RAD51B: variants seen among roughly 807,000 people sequenced by gnomAD.
The protein encoded by RAD51B is DNA repair protein RAD51 homolog 2.
Under a neutral mutation model 42.2 loss-of-function variants are expected in RAD51B, and 38 were observed. The observed-to-expected ratio is 0.90, with a 90% confidence interval of 0.70 to 1.18. The LOEUF is 1.18. Among genes scored for constraint, RAD51B ranks in the 50% most tolerant of loss-of-function variants. The probability of loss-of-function intolerance (pLI) is 0.00; values close to 1 mark genes in which losing one functional copy is unlikely to be tolerated. For synonymous variants in RAD51B, 154 were observed against 145.2 expected (o/e 1.06, Z -0.43); for missense variants, 373 against 400.7 (o/e 0.93, Z 0.59).
chr14:68,664,571 T>C (rs1223424359), intron 11 of RAD51B, among the ~76,000 whole-genome samples: 2 of 152,210 alleles, frequency 1.3e-5, no homozygotes, highest in African/African-American at 4.8e-5. Context: ...TCTGCCAAGA[T>C]GGAGGAATAC....
At chr14:67,955,298 A>G (rs1189290744) in intron 7 of RAD51B, among the ~76,000 whole-genome samples, 2 of 152,236 alleles carry the variant, frequency 1.3e-5, no homozygotes, top group African/African-American at 2.4e-5. Context: ...ATCCAGAAAT[A>G]TAAATGATGA....
At chr14:67,946,249 G>A (rs2045387045) in intron 7 of RAD51B, among the ~76,000 whole-genome samples, 1 of 152,086 alleles carries the variant, frequency 6.6e-6, no homozygotes, top group Admixed American at 6.6e-5. Context: ...GAAATAGAAA[G>A]TAATAGGAAA....
chr14:67,860,930 A>G (rs1038308663), intron 4 of RAD51B, among the ~76,000 whole-genome samples: 1 of 152,206 alleles, frequency 6.6e-6, no homozygotes, highest in Admixed American at 6.5e-5. Flanking sequence ...ATGTTGGCTC[A>G]TGCCTGTAAT....
chr14:67,956,436 A>G (rs1441700530), intron 7 of RAD51B, among the ~76,000 whole-genome samples: 1 of 152,200 alleles, frequency 6.6e-6, no homozygotes, highest in East Asian at 1.9e-4. Flanking sequence ...GCAGTGAGCC[A>G]GATCATGCCA....
chr14:68,398,752 T>C (rs751373160), intron 8 of RAD51B, among the ~76,000 whole-genome samples: 15 of 152,222 alleles, frequency 9.9e-5, no homozygotes, highest in Non-Finnish European at 1.9e-4. Flanking sequence ...TGATGTCTTC[T>C]GAGATTAAAA....
At chr14:68,496,839 C>T (rs1884560461) in intron 10 of RAD51B, among the ~76,000 whole-genome samples, 1 of 152,362 alleles carries the variant, frequency 6.6e-6, no homozygotes, top group Admixed American at 6.5e-5. Flanking sequence ...GTTCCATCAA[C>T]AGACTACAAC....
intron 7 of RAD51B, among the ~76,000 whole-genome samples, chr14:68,157,033 C>CA (rs1308069588): frequency 1.2e-4 from 18 of 151,924 alleles, no homozygotes; most frequent in Admixed American, 1.2e-3. Context: ...GCTGTCTCTA[C>CA]AAAAAATACA....
At chr14:68,538,964 A>C (rs1043919562) in intron 10 of RAD51B, among the ~76,000 whole-genome samples, 1 of 152,210 alleles carries the variant, frequency 6.6e-6, no homozygotes, top group African/African-American at 2.4e-5. Context: ...TAAAGCCACC[A>C]TGCCATCACA....
At chr14:67,868,957 A>C (rs910597712) in intron 5 of RAD51B, among the ~76,000 whole-genome samples, 1 of 152,224 alleles carries the variant, frequency 6.6e-6, no homozygotes, top group African/African-American at 2.4e-5. Context: ...ATCAAAGACC[A>C]AAAGTAGATA....
intron 10 of RAD51B, among the ~76,000 whole-genome samples, chr14:68,492,721 G>A (rs188195927): frequency 3.3e-5 from 5 of 152,312 alleles, no homozygotes; most frequent in Non-Finnish European, 7.4e-5. Context: ...CCAAATGATA[G>A]GCAGTGTCTG....
chr14:68,181,539 T>A (rs1193178878), intron 7 of RAD51B, among the ~76,000 whole-genome samples: 1 of 152,248 alleles, frequency 6.6e-6, no homozygotes, highest in African/African-American at 2.4e-5. Context: ...TTTGTGGTGT[T>A]AAAGCCGGAC....
At chr14:67,929,927 G>A (rs1030750722) in intron 7 of RAD51B, among the ~76,000 whole-genome samples, 2 of 151,948 alleles carry the variant, frequency 1.3e-5, no homozygotes, top group Non-Finnish European at 2.9e-5. Context: ...TGGGATTACA[G>A]GCAGGAGCCA....
At chr14:68,680,029 T>G (rs1479047201) in intron 11 of RAD51B, among the ~76,000 whole-genome samples, 1 of 152,222 alleles carries the variant, frequency 6.6e-6, no homozygotes, top group Non-Finnish European at 1.5e-5. Context: ...TGGTTTTTTT[T>G]CCATATGAGC....
At chr14:67,869,327 AG>A (rs2042439452) in intron 5 of RAD51B, among the ~76,000 whole-genome samples, 1 of 152,260 alleles carries the variant, frequency 6.6e-6, no homozygotes, top group African/African-American at 2.4e-5. Context: ...ACTGGAAGAA[AG>A]GGTATCAGCG....
At chr14:68,650,651 C>T in intron 10 of RAD51B, 2 of 613,270 alleles carry the variant, frequency 3.3e-6, no homozygotes, top group Non-Finnish European at 5.8e-6. Context: ...TTTAAAGTAG[C>T]ATCTAATTCA....
At position 67,893,968 on chromosome 14, in the gene RAD51B, G is replaced by T. The variant is rs564729589; in HGVS notation, c.756+6764G>T. Among the ~76,000 whole-genome samples the T allele has an allele frequency of 6.2e-4, 95 of 152,242 alleles. No homozygotes were observed. In the Middle Eastern group the frequency reaches 0.031, roughly 49 times the overall value. On this transcript the variant is annotated intron_variant, in intron 7 of 10. Transcript: ENST00000471583. ...TACCACCTTCATTGCCATCATCTTG[G>T]TTCCTGGAGGCTAAAAGTACTGGCT...
chr14:67,826,185 G>A (rs921857135), intron 3 of RAD51B, among the ~76,000 whole-genome samples: 4 of 151,824 alleles, frequency 2.6e-5, no homozygotes, highest in African/African-American at 9.7e-5. Context: ...AGTATTTGAT[G>A]GCCTCATAGT....
At chr14:68,356,875 T>C (rs1004919901) in intron 8 of RAD51B, among the ~76,000 whole-genome samples, 5 of 146,940 alleles carry the variant, frequency 3.4e-5, no homozygotes, top group East Asian at 2.1e-4. Context: ...CCCAGCTACT[T>C]GGGAGGCTGA....
intron 7 of RAD51B, among the ~76,000 whole-genome samples, chr14:67,921,710 G>C (rs2044332396): frequency 6.6e-6 from 1 of 151,510 alleles, no homozygotes; most frequent in Non-Finnish European, 1.5e-5. Context: ...GTATAACATT[G>C]ATGACTGAAA....
Sources: allele counts gnomAD v4.1 joint callset (sites outside exome capture counted in the v4.1 genomes callset), GRCh38; gene constraint gnomAD v4.1.1; transcripts MANE v1.5; gene names NCBI Gene and HGNC (gene_info 2026-07-23, HGNC 2026-07-21).